The following SDR42E2 variants were observed in gnomAD, a reference collection of about 807,000 sequenced individuals.
The protein encoded by SDR42E2 is putative short-chain dehydrogenase/reductase family 42E member 2.
SDR42E2 carries 20 observed loss-of-function variants against 10.5 expected under a neutral mutation model. The ratio of observed to expected loss-of-function variants is 1.90; its 90% CI spans 1.34 to 2.77. The LOEUF (loss-of-function observed/expected upper bound fraction) is 2.77, where lower values mean the gene tolerates loss of function less well. Ranked by LOEUF, SDR42E2 falls within the 30% of genes most tolerant of loss-of-function variation. The pLI, the probability that SDR42E2 is intolerant of heterozygous loss-of-function variation, is 0.00. For missense variants in SDR42E2, 162 were observed against 104.2 expected (o/e 1.55, Z -2.42); for synonymous variants, 72 against 39.2 (o/e 1.84, Z -3.12).
At chr16:22,164,033 A>T (rs7192583) in intron 1 of SDR42E2, among the ~76,000 whole-genome samples, 13,947 of 137,076 alleles carry the variant, frequency 0.1, 743 homozygotes, top group African/African-American at 0.16. Flanking sequence ...AGCCCTGGTC[A>T]TCCAGCCTCA....
At chr16:22,189,774 C>A (rs1210098334) in intron 12 of SDR42E2, among the ~76,000 whole-genome samples, 1 of 152,184 alleles carries the variant, frequency 6.6e-6, no homozygotes, top group African/African-American at 2.4e-5. Flanking sequence ...CTTCTCCTAG[C>A]GGATGCCTAA....
At chr16:22,181,392 T>C (rs1046786344) in intron 8 of SDR42E2, 127 bp from the exon 9 acceptor site, 56 of 647,442 alleles carry the variant, frequency 8.6e-5, no homozygotes, top group African/African-American at 3.1e-4. Context: ...TCAGAGAGCA[T>C]TGGATACATG....
At chr16:22,182,513 A>AT (rs1162072160) in intron 10 of SDR42E2, among the ~76,000 whole-genome samples, 1 of 151,690 alleles carries the variant, frequency 6.6e-6, no homozygotes, top group Non-Finnish European at 1.5e-5. Flanking sequence ...CGCCCAGTTA[A>AT]TTTTTTGTAT....
At chr16:22,184,025 G>A (rs1464384594) in intron 10 of SDR42E2, among the ~76,000 whole-genome samples, 156 bp from the exon 11 acceptor site, 1 of 152,098 alleles carries the variant, frequency 6.6e-6, no homozygotes, top group Non-Finnish European at 1.5e-5. Flanking sequence ...TTCAATACTG[G>A]CACAGGCCTG....
chr16:22,189,853 C>T (rs1402619446), intron 12 of SDR42E2, among the ~76,000 whole-genome samples: 2 of 152,098 alleles, frequency 1.3e-5, no homozygotes, highest in Non-Finnish European at 2.9e-5. Flanking sequence ...GGGGTGAGAC[C>T]TTTGCTTCTT....
At chr16:22,185,266 C>T (rs1325022416) in intron 11 of SDR42E2, among the ~76,000 whole-genome samples, 1 of 152,170 alleles carries the variant, frequency 6.6e-6, no homozygotes, top group Non-Finnish European at 1.5e-5. Flanking sequence ...GTTCCAGGGA[C>T]TCCTTGGCAG....
In SDR42E2 at chr16:22,190,318, G is replaced by T. The variant is rs1704115547; in HGVS notation, c.1194G>T (p.Leu398=). The part of the protein sequence containing the change: ...TLLRLLLRLL[L]FLGLLALALH... ...TGCGCCTGCTGCTCAGGCTGCTGCT[G>T]TTCCTCGGCTTGCTCGCCCTGGCCC... The change falls in exon 13 of 13, where the codon CTG becomes CTT. Residue 398 remains leucine, a synonymous_variant. Coordinates refer to ENST00000602312, the MANE Select transcript of SDR42E2 (RefSeq NM_001394319.2). 2.5e-6 allele frequency: 1 copy of T among 402,580 alleles called. No homozygotes were observed. 24.9% of individuals were successfully genotyped at this position (402,580 alleles called of 1,614,324 possible). A position where few individuals can be genotyped will look rare whatever the true frequency, so the allele number is the denominator to read the frequency against.
intron 3 of SDR42E2, 136 bp from the exon 4 acceptor site, chr16:22,166,768 A>G (rs1246936053): frequency 6.7e-6 from 3 of 448,038 alleles, no homozygotes; most frequent in African/African-American, 2.0e-5. Flanking sequence ...CTGCCCCACC[A>G]GCCTTTCCTG....
intron 5 of SDR42E2, among the ~76,000 whole-genome samples, chr16:22,169,892 C>T (rs936897412): frequency 2.0e-5 from 3 of 151,892 alleles, no homozygotes; most frequent in African/African-American, 7.3e-5. Context: ...ATTAGCCAGG[C>T]GTGGTGGCGG....
intron 8 of SDR42E2, among the ~76,000 whole-genome samples, chr16:22,178,421 C>A (rs998385664): frequency 6.6e-6 from 1 of 152,170 alleles, no homozygotes; most frequent in African/African-American, 2.4e-5. Flanking sequence ...TCAGAGTGTA[C>A]CAGCCAAGCC....
chr16:22,175,185 C>T (rs975421043), intron 7 of SDR42E2, among the ~76,000 whole-genome samples: 1 of 152,122 alleles, frequency 6.6e-6, no homozygotes, highest in East Asian at 1.9e-4. Flanking sequence ...ATGGGCCGGG[C>T]ATGGTGGCTG....
At chr16:22,175,456 T>C (rs1205082123) in intron 7 of SDR42E2, among the ~76,000 whole-genome samples, 1 of 151,184 alleles carries the variant, frequency 6.6e-6, no homozygotes, top group Non-Finnish European at 1.5e-5. Flanking sequence ...TCGTTTCTTC[T>C]CTCACCATCC....
Position 22,190,558 on chromosome 16 carries a change from C to G in SDR42E2, c.*165C>G. 2 of 399,604 alleles carry G rather than the reference C, an allele frequency of 5.0e-6. No individual in the cohort carries two copies. The highest frequency in any genetic ancestry group is 8.8e-6 in the Non-Finnish European group (2 of 226,634). The allele number at this position is 399,604 out of a possible 1,614,324, so 24.8% of individuals were successfully genotyped here. A position where few individuals can be genotyped will look rare whatever the true frequency, so the allele number is the denominator to read the frequency against. ...CCCCGAGCCGCTCTCCAGACCTAGC[C>G]CGGACCGCCGACTTCTGGCCACGCC... On this transcript the variant is annotated 3_prime_UTR_variant, in exon 13 of 13. Coordinates refer to ENST00000602312, the MANE Select transcript of SDR42E2 (RefSeq NM_001394319.2).
In SDR42E2 at chr16:22,181,588, G is replaced by A. The variant is rs577612186; in HGVS notation, c.742G>A (p.Val248Ile). 7.4e-5 allele frequency: 52 copies of A among 703,024 alleles called. No homozygotes were observed. Among genetic ancestry groups the A allele is most frequent in the East Asian group, 5.9e-4 (22 of 37,296 alleles). The allele number at this position is 703,024 out of a possible 1,614,324, so 43.5% of individuals were successfully genotyped here. A position where few individuals can be genotyped will look rare whatever the true frequency, so the allele number is the denominator to read the frequency against. ...DHKARMNWVH[V>I]HNLVQAHVLA... The stretch of plus-strand genomic sequence containing the variant: ...CAAGGCACGGATGAACTGGGTCCAC[G>A]TACACAATCTGGTGCAGGCACACGT... The change falls in exon 9 of 13, where the codon GTA (valine) becomes ATA (isoleucine). Residue 248 changes from valine to isoleucine, a missense_variant. Coordinates refer to ENST00000602312, the MANE Select transcript of SDR42E2 (RefSeq NM_001394319.2).
In SDR42E2 at chr16:22,190,645, T is replaced by C. The variant is rs1250040024; in HGVS notation, c.*252T>C. 1.6e-5 allele frequency: 6 copies of C among 369,810 alleles called. No individual in the cohort carries two copies. Among genetic ancestry groups the C allele is most frequent in the Non-Finnish European group, 4.8e-6 (1 of 209,620 alleles). 22.9% of individuals were successfully genotyped at this position (369,810 alleles called of 1,614,324 possible). On this transcript the variant is annotated 3_prime_UTR_variant, in exon 13 of 13. Transcript: ENST00000602312. The stretch of plus-strand genomic sequence containing the variant: ...GTGTTTTGGCCCCGCCCCTGTCCTG[T>C]CCCGCCCCGCCCTCCGAAGTGGGCA...
At chr16:22,170,308 C>T (rs1399072110) in intron 5 of SDR42E2, among the ~76,000 whole-genome samples, 5 of 152,100 alleles carry the variant, frequency 3.3e-5, no homozygotes, top group South Asian at 2.1e-4. Context: ...GAGCCGAGAT[C>T]GCGCCATTGC....
Position 22,166,920 on chromosome 16 carries a change from A to T in SDR42E2, c.257A>T (p.Glu86Val). Reference sequence around the variant, plus strand: ...CTGGTGCAGGCTGATGTCCGAGATGAAGAAGCCCTGTACCGTGCCTTCGAA... The same window carrying T: ...CTGGTGCAGGCTGATGTCCGAGATGTAGAAGCCCTGTACCGTGCCTTCGAA... ...TKFIQADVRD[E>V]EALYRAFEGV... is the part of the protein sequence containing the mutation. Residue 86 changes from glutamate (E) to valine (V), a missense_variant, in exon 4 of 13, where the codon GAA becomes GTA. Transcript: ENST00000602312. 1.5e-6 allele frequency: 1 copy of T among 679,862 alleles called. No individual in the cohort carries two copies. The highest frequency in any genetic ancestry group is 1.5e-5 in the South Asian group (1 of 66,072). The allele number at this position is 679,862 out of a possible 1,614,324, so 42.1% of individuals were successfully genotyped here.
chr16:22,171,814 G>T (rs1834220662), intron 6 of SDR42E2, among the ~76,000 whole-genome samples: 1 of 152,188 alleles, frequency 6.6e-6, no homozygotes, highest in South Asian at 2.1e-4. Flanking sequence ...TTACAGGCAT[G>T]AGCCACTGCA....
At chr16:22,179,148 T>C (rs1049543634) in intron 8 of SDR42E2, among the ~76,000 whole-genome samples, 6 of 152,106 alleles carry the variant, frequency 3.9e-5, no homozygotes, top group Admixed American at 2.0e-4. Context: ...CAACCATGCC[T>C]GATTGACTAT....
Sources: allele counts gnomAD v4.1 joint callset (sites outside exome capture counted in the v4.1 genomes callset), GRCh38; gene constraint gnomAD v4.1.1; transcripts MANE v1.5; gene names NCBI Gene and HGNC (gene_info 2026-07-23, HGNC 2026-07-21).